The following PKIG variants were observed in gnomAD, a reference collection of about 807,000 sequenced individuals.
PKIG encodes the protein cAMP-dependent protein kinase inhibitor gamma.
In PKIG, 1 loss-of-function variant was observed where a neutral mutation model predicts 6.8. That is an observed-to-expected ratio of 0.15 (90% CI 0.05 to 0.69). The LOEUF is 0.69. Among genes scored for constraint, PKIG ranks in the 30% least tolerant of loss-of-function variants. The pLI, the probability that PKIG is intolerant of heterozygous loss-of-function variation, is 0.82. For missense variants in PKIG, 77 were observed against 104.0 expected, an observed-to-expected ratio of 0.74 and a Z score of 1.13; for synonymous variants, 39 against 43.0, an observed-to-expected ratio of 0.91 and a Z score of 0.36.
intron 1 of PKIG, among the ~76,000 whole-genome samples, chr20:44,545,094 C>T (rs1193308040): frequency 6.6e-6 from 1 of 151,824 alleles, no homozygotes; most frequent in Non-Finnish European, 1.5e-5. Context: ...CCCCACCATG[C>T]CCAGCTAATT....
chr20:44,618,424 C>G lies in PKIG; in HGVS notation c.*60C>G. The G allele has an allele frequency of 8.8e-7, 1 of 1,142,204 alleles. No homozygotes were observed. Among genetic ancestry groups the G allele is most frequent in the Non-Finnish European group, 1.3e-6 (1 of 750,504 alleles). 70.8% of individuals were successfully genotyped at this position (1,142,204 alleles called of 1,614,324 possible). Reference sequence around the variant, plus strand: ...CTTCTGTCCCCTCCCAGAGGGGGAACCCTGGCACTGGCCCAGCAGCCTCTT... The same window carrying G: ...CTTCTGTCCCCTCCCAGAGGGGGAAGCCTGGCACTGGCCCAGCAGCCTCTT... On this transcript the variant is annotated 3_prime_UTR_variant, in exon 4 of 4. Coordinates refer to ENST00000372886, the MANE Select transcript of PKIG (RefSeq NM_001281445.2).
chr20:44,569,492 C>A (rs116617485), intron 1 of PKIG, among the ~76,000 whole-genome samples: 1 of 152,044 alleles, frequency 6.6e-6, no homozygotes, highest in Middle Eastern at 3.2e-3. Context: ...CTTCTGAAAG[C>A]GGTTTGTTTT....
At chr20:44,616,508 C>T (rs574783044) in intron 3 of PKIG, among the ~76,000 whole-genome samples, 22 of 152,358 alleles carry the variant, frequency 1.4e-4, no homozygotes, top group African/African-American at 4.6e-4. Context: ...TTCTGTCTCT[C>T]TCTCCCTCAG....
intron 1 of PKIG, among the ~76,000 whole-genome samples, chr20:44,533,467 T>C (rs2064485621): frequency 6.6e-6 from 1 of 152,196 alleles, no homozygotes; most frequent in South Asian, 2.1e-4. Context: ...ATAATTGTGA[T>C]GAGAATTGTG....
At chr20:44,587,164 CT>C (rs1476168895) in intron 1 of PKIG, among the ~76,000 whole-genome samples, 1 of 152,190 alleles carries the variant, frequency 6.6e-6, no homozygotes, top group East Asian at 1.9e-4. Context: ...TTGTGGAATT[CT>C]CTGTGCAACA....
chr20:44,604,410 C>T (rs1476553016), intron 2 of PKIG, among the ~76,000 whole-genome samples: 2 of 151,826 alleles, frequency 1.3e-5, no homozygotes, highest in Non-Finnish European at 2.9e-5. Flanking sequence ...ATGAGGGGAT[C>T]GACATTGAAA....
At chr20:44,615,490 C>T (rs897211952) in intron 3 of PKIG, among the ~76,000 whole-genome samples, 1 of 152,232 alleles carries the variant, frequency 6.6e-6, no homozygotes, top group Admixed American at 6.5e-5. Context: ...CATCCACCCA[C>T]CCAAGTCCTG....
chr20:44,578,437 C>A (rs2064919073), upstream of PKIG, among the ~76,000 whole-genome samples: 1 of 151,880 alleles, frequency 6.6e-6, no homozygotes, highest in Non-Finnish European at 1.5e-5. Flanking sequence ...GCCAGGCTGT[C>A]TTGAACTCCT....
At chr20:44,605,871 C>T (rs370815016) in intron 2 of PKIG, among the ~76,000 whole-genome samples, 70 of 152,110 alleles carry the variant, frequency 4.6e-4, no homozygotes, top group African/African-American at 1.5e-3. Context: ...AGGCTGGCAC[C>T]GCTACACTCC....
intron 2 of PKIG, among the ~76,000 whole-genome samples, chr20:44,609,884 C>T (rs940348648): frequency 2.0e-5 from 3 of 152,206 alleles, no homozygotes; most frequent in Admixed American, 6.5e-5. Flanking sequence ...CCACTGAGTG[C>T]GTGATGTGTA....
chr20:44,600,003 A>G (rs2065107670), intron 2 of PKIG, among the ~76,000 whole-genome samples: 1 of 152,200 alleles, frequency 6.6e-6, no homozygotes, highest in African/African-American at 2.4e-5. Flanking sequence ...TGTGCCCTAC[A>G]GGAGCCCCAT....
intron 1 of PKIG, among the ~76,000 whole-genome samples, chr20:44,576,057 A>G (rs1359145889): frequency 1.3e-5 from 2 of 151,940 alleles, no homozygotes; most frequent in African/African-American, 4.8e-5. Flanking sequence ...TTGTTCTCTA[A>G]TGATCCTTCC....
At chr20:44,536,413 G>A (rs1291265760) in intron 1 of PKIG, among the ~76,000 whole-genome samples, 1 of 152,170 alleles carries the variant, frequency 6.6e-6, no homozygotes, top group African/African-American at 2.4e-5. Context: ...TCTTTAGGAG[G>A]CTGGGGAAAT....
At chr20:44,595,339 C>T (rs958868480) in intron 2 of PKIG, among the ~76,000 whole-genome samples, 3 of 152,224 alleles carry the variant, frequency 2.0e-5, no homozygotes, top group South Asian at 4.1e-4. Context: ...GTGTTGTGGG[C>T]CACTGTGCTC....
intron 1 of PKIG, among the ~76,000 whole-genome samples, chr20:44,553,678 T>G (rs1035357866): frequency 6.6e-6 from 1 of 152,190 alleles, no homozygotes; most frequent in Non-Finnish European, 1.5e-5. Context: ...AAAAACATAG[T>G]GCCTGCTGTC....
chr20:44,576,158 A>AGT (rs3221821), intron 1 of PKIG, among the ~76,000 whole-genome samples: 8,003 of 140,466 alleles, frequency 0.057, 311 homozygotes, highest in African/African-American at 0.12. Flanking sequence ...GACTAAGTAG[A>AGT]GTGTGTGTGT....
At position 44,589,449 on chromosome 20, in the gene PKIG, A is replaced by C. The variant is rs1315022853; in HGVS notation, c.-93-348A>C. Among the ~76,000 whole-genome samples the C allele has an allele frequency of 3.3e-5, 5 of 152,346 alleles. No individual in the cohort carries two copies. In the East Asian group the frequency reaches 9.6e-4, roughly 29 times the overall value. ...CATGTACTTTTTTCCACATCAGTACAATGAAATCTCCTTCATTCTTTGAAG... is the reference window on the plus strand; with the variant it reads ...CATGTACTTTTTTCCACATCAGTACCATGAAATCTCCTTCATTCTTTGAAG... On this transcript the variant is annotated intron_variant, in intron 1 of 3. Transcript: ENST00000372886.
At chr20:44,568,606 G>A (rs541655914) in intron 1 of PKIG, among the ~76,000 whole-genome samples, 5 of 151,962 alleles carry the variant, frequency 3.3e-5, no homozygotes, top group East Asian at 3.9e-4. Context: ...ACCTGCCACC[G>A]CGCCTGGCTA....
At chr20:44,591,510 G>A (rs1024301263) in intron 2 of PKIG, among the ~76,000 whole-genome samples, 2 of 151,248 alleles carry the variant, frequency 1.3e-5, no homozygotes, top group Non-Finnish European at 2.9e-5. Flanking sequence ...TCTTCTTAGC[G>A]CCTGTGCTCC....
Sources: gnomAD v4.1 joint callset for allele counts (sites outside exome capture counted in the v4.1 genomes callset) on GRCh38, gnomAD v4.1.1 for gene constraint, MANE v1.5 for transcripts, NCBI Gene and HGNC (gene_info 2026-07-23, HGNC 2026-07-21) for gene names.